Variants in RIMS2 observed in about 807,000 individuals in gnomAD.
The protein encoded by RIMS2 is regulating synaptic membrane exocytosis protein 2.
A neutral mutation model predicts 174.4 loss-of-function variants in RIMS2; 59 were observed. The ratio of observed to expected loss-of-function variants is 0.34; its 90% CI spans 0.27 to 0.42. RIMS2 has a LOEUF of 0.42. Ranked by LOEUF, RIMS2 falls within the 10% of genes least tolerant of loss-of-function variation. RIMS2 has a pLI of 1.00. For synonymous variants in RIMS2, 606 were observed against 572.5 expected, an observed-to-expected ratio of 1.06 and a Z score of -0.84; for missense variants, 1,620 against 1,666.3, an observed-to-expected ratio of 0.97 and a Z score of 0.48.
intron 19 of RIMS2, among the ~76,000 whole-genome samples, chr8:104,112,161 T>A (rs1453611431): frequency 6.6e-6 from 1 of 152,174 alleles, no homozygotes; most frequent in Non-Finnish European, 1.5e-5. Flanking sequence ...ATTTGTCAAA[T>A]AAAATATTCA....
intron 1 of RIMS2, 43 bp from the exon 2 acceptor site, chr8:103,652,162 T>A (rs762291951): frequency 8.5e-7 from 1 of 1,177,048 alleles, no homozygotes; most frequent in Non-Finnish European, 1.1e-6. Flanking sequence ...TAGAAATCTC[T>A]TCATAGTACA....
chr8:103,927,813 T>C (rs2079066773), intron 10 of RIMS2: 1 of 1,558,450 alleles, frequency 6.4e-7, no homozygotes, highest in African/African-American at 1.4e-5. Flanking sequence ...TTTTGTTTTA[T>C]TGCTTTTTTC....
At chr8:104,047,770 A>G (rs1177451762) in intron 19 of RIMS2, among the ~76,000 whole-genome samples, 6 of 152,078 alleles carry the variant, frequency 3.9e-5, no homozygotes, top group Non-Finnish European at 7.4e-5. Context: ...TGTGACTGCT[A>G]GTTTAGGAGA....
At chr8:103,668,435 T>C (rs918735375) in intron 1 of RIMS2, among the ~76,000 whole-genome samples, 15 of 152,290 alleles carry the variant, frequency 9.8e-5, no homozygotes, top group Admixed American at 9.8e-4. Context: ...CCAGAATATA[T>C]GCATTGAAAA....
chr8:104,169,738 T>C (rs536235073), intron 19 of RIMS2, among the ~76,000 whole-genome samples: 7 of 152,046 alleles, frequency 4.6e-5, no homozygotes, highest in Non-Finnish European at 8.8e-5. Flanking sequence ...TTTGTTCTTG[T>C]TTCTCTAGTT....
chr8:104,107,365 CCT>C (rs1555232028), intron 19 of RIMS2, among the ~76,000 whole-genome samples: 3 of 152,004 alleles, frequency 2.0e-5, no homozygotes, highest in African/African-American at 4.8e-5. Flanking sequence ...CATTTTCTCC[CCT>C]GTGATAGTTT....
chr8:103,694,337 C>A (rs1312342200), intron 1 of RIMS2, among the ~76,000 whole-genome samples: 1 of 152,060 alleles, frequency 6.6e-6, no homozygotes, highest in African/African-American at 2.4e-5. Flanking sequence ...GCTACAGGGG[C>A]TGGTCTTCTG....
intron 1 of RIMS2, among the ~76,000 whole-genome samples, chr8:103,619,274 A>C (rs1247091303): frequency 6.6e-6 from 1 of 152,004 alleles, no homozygotes; most frequent in East Asian, 1.9e-4. Context: ...ATTTCAGAAA[A>C]AAAACAAAGT....
chr8:103,604,134 C>G (rs1326466136), intron 1 of RIMS2, among the ~76,000 whole-genome samples: 1 of 149,244 alleles, frequency 6.7e-6, no homozygotes, highest in Non-Finnish European at 1.5e-5. Flanking sequence ...GGTTTTAGGT[C>G]TAACGTTTAA....
intron 1 of RIMS2, among the ~76,000 whole-genome samples, chr8:103,614,338 T>G (rs2095456249): frequency 6.6e-6 from 1 of 152,266 alleles, no homozygotes; most frequent in Admixed American, 6.5e-5. Flanking sequence ...ATCTGTGTAA[T>G]GTCCCCCAGT....
chr8:103,536,658 T>G (rs1278051802), intron 1 of RIMS2, among the ~76,000 whole-genome samples: 1 of 151,702 alleles, frequency 6.6e-6, no homozygotes, highest in African/African-American at 2.4e-5. Context: ...AAGGGGGAGG[T>G]GCTATACGCT....
chr8:103,860,929 C>A (rs1176269417), intron 3 of RIMS2, among the ~76,000 whole-genome samples: 3 of 151,906 alleles, frequency 2.0e-5, no homozygotes, highest in Non-Finnish European at 4.4e-5. Flanking sequence ...ATTGTCTGTA[C>A]AAAGGTAAGT....
intron 15 of RIMS2, among the ~76,000 whole-genome samples, chr8:103,965,271 G>A (rs1001494292): frequency 2.0e-5 from 3 of 152,086 alleles, no homozygotes; most frequent in Non-Finnish European, 2.9e-5. Context: ...ACAATATTGA[G>A]TATTCCTTTA....
intron 3 of RIMS2, among the ~76,000 whole-genome samples, chr8:103,792,284 C>A (rs201248252): frequency 6.6e-6 from 1 of 152,030 alleles, no homozygotes; most frequent in African/African-American, 2.4e-5. Flanking sequence ...AAACCTCTCA[C>A]CTACATGGAA....
chr8:104,171,618 C>T (rs1296573537), intron 19 of RIMS2, among the ~76,000 whole-genome samples: 1 of 151,918 alleles, frequency 6.6e-6, no homozygotes, highest in Non-Finnish European at 1.5e-5. Flanking sequence ...AATCATCAAC[C>T]TTCTGAATTT....
At chr8:103,627,777 G>T (rs1262951696) in intron 1 of RIMS2, among the ~76,000 whole-genome samples, 2 of 152,148 alleles carry the variant, frequency 1.3e-5, no homozygotes, top group African/African-American at 4.8e-5. Flanking sequence ...CATAATGATT[G>T]TCAACCCAAA....
intron 1 of RIMS2, among the ~76,000 whole-genome samples, chr8:103,533,035 T>C (rs1837984800): frequency 1.3e-5 from 2 of 152,208 alleles, no homozygotes; most frequent in South Asian, 4.1e-4. Flanking sequence ...TTGATCACAA[T>C]ATTCTCAAGT....
At chr8:103,736,551 C>T (rs1339775980) in intron 2 of RIMS2, among the ~76,000 whole-genome samples, 1 of 152,144 alleles carries the variant, frequency 6.6e-6, no homozygotes, top group Non-Finnish European at 1.5e-5. Context: ...TTCTTTTACC[C>T]TTACCTTGGA....
rs2098697063 is a variant in RIMS2, at chr8:104,152,701, T to G, written c.3335-92215T>G. Among the ~76,000 whole-genome samples, 3 of 152,122 alleles carry G rather than the reference T, an allele frequency of 2.0e-5. 1 individual carries two copies. The South Asian group carries it at 6.2e-4, about 31-fold the overall frequency. ...GCTGGATCTTATAATAGCTTCTTTCTTCAGACATAAATATATAAGATGTAT... is the reference window on the plus strand; with the variant it reads ...GCTGGATCTTATAATAGCTTCTTTCGTCAGACATAAATATATAAGATGTAT... On this transcript the variant is annotated intron_variant, in intron 19 of 23. Coordinates refer to ENST00000504942, the Ensembl canonical transcript of RIMS2.
Sources: gnomAD v4.1 joint callset for allele counts (sites outside exome capture counted in the v4.1 genomes callset) on GRCh38, gnomAD v4.1.1 for gene constraint, MANE v1.5 for transcripts, NCBI Gene and HGNC (gene_info 2026-07-23, HGNC 2026-07-21) for gene names.